Variants in TRA2A observed in about 807,000 individuals in gnomAD.
The protein encoded by TRA2A is transformer-2 protein homolog alpha.
In TRA2A, 31 loss-of-function variants were observed where a neutral mutation model predicts 45.7. The ratio of observed to expected loss-of-function variants is 0.68; its 90% CI spans 0.51 to 0.92. TRA2A has a LOEUF of 0.92. Among genes scored for constraint, TRA2A ranks in the 40% least tolerant of loss-of-function variants. TRA2A has a pLI of 0.00. For synonymous variants in TRA2A, 132 were observed against 126.2 expected (o/e 1.05, Z -0.31); for missense variants, 304 against 367.5 (o/e 0.83, Z 1.41).
intron 1 of TRA2A, chr7:23,531,341 G>A: frequency 1.3e-6 from 1 of 776,108 alleles, no homozygotes; most frequent in South Asian, 5.3e-5. Context: ...CCGGAAAGCA[G>A]CCCCGCGCAC....
At chr7:23,523,920 G>A (rs946346967) in intron 1 of TRA2A, among the ~76,000 whole-genome samples, 1 of 152,172 alleles carries the variant, frequency 6.6e-6, no homozygotes, top group South Asian at 2.1e-4. Flanking sequence ...CAGACCCTGT[G>A]ACATAACATT....
At chr7:23,518,810 G>A (rs757972942) in intron 2 of TRA2A, among the ~76,000 whole-genome samples, 7 of 151,226 alleles carry the variant, frequency 4.6e-5, no homozygotes, top group African/African-American at 9.7e-5. Context: ...TCAGCCTCCC[G>A]AGTTCCTGGG....
chr7:23,530,771 G>T (rs1023359380), intron 1 of TRA2A, among the ~76,000 whole-genome samples: 4 of 152,132 alleles, frequency 2.6e-5, no homozygotes, highest in Non-Finnish European at 5.9e-5. Context: ...GTGGGGGATA[G>T]AGTGAGAAGA....
chr7:23,517,995 G>A (rs1421615109), intron 2 of TRA2A, among the ~76,000 whole-genome samples: 3 of 150,986 alleles, frequency 2.0e-5, no homozygotes, highest in East Asian at 2.0e-4. Flanking sequence ...CTGGAGTGCA[G>A]TGGCATGATC....
At chr7:23,516,254 C>T in intron 3 of TRA2A, 109 bp downstream of exon 3, 1 of 1,050,044 alleles carries the variant, frequency 9.5e-7, no homozygotes, top group Non-Finnish European at 1.4e-6. Context: ...AGGATGTTTC[C>T]AGAGTATCAC....
chr7:23,505,511 AAAAAAAAAAGAG>A lies in TRA2A; in HGVS notation c.*36_*47del, dbSNP rs1789276164. The A allele has an allele frequency of 1.9e-6, 1 of 537,546 alleles. No homozygotes were observed. The highest frequency in any genetic ancestry group is 2.0e-5 in the African/African-American group (1 of 49,622). The allele number at this position is 537,546 out of a possible 1,614,324, so 33.3% of individuals were successfully genotyped here. A position where few individuals can be genotyped will look rare whatever the true frequency, so the allele number is the denominator to read the frequency against. ...GGAAATCTCAGAATTAAAAAAAAAA[AAAAAAAAAAGAG>A]GAAAAAAAATGTCCTTAATTGCAAC... On this transcript the variant is annotated 3_prime_UTR_variant, in exon 8 of 8. Coordinates refer to ENST00000297071, the MANE Select transcript of TRA2A (RefSeq NM_013293.5).
rs535035331 is a variant in TRA2A at position 23,514,201 on chromosome 7, G to A, written c.337-1119C>T. On this transcript the variant is annotated intron_variant, in intron 3 of 7. Transcript: ENST00000297071. ...TCCTGCTTCAGCCTCCCAAGTAGAC[G>A]GGATTACAGGCATGCACCACCACCC... Among the ~76,000 whole-genome samples the A allele has an allele frequency of 6.6e-5, 10 of 151,684 alleles. No individual in the cohort carries two copies. In the South Asian group the frequency reaches 1.0e-3, roughly 16 times the overall value.
At chr7:23,511,370 C>CAAAAAAAAAAAAAAAAAAAAAAAAAA (rs567187750) in intron 4 of TRA2A, among the ~76,000 whole-genome samples, 1 of 40,132 alleles carries the variant, frequency 2.5e-5, no homozygotes, top group Non-Finnish European at 4.6e-5. Context: ...GACTCCATCT[C>CAAAAAAAAAAAAAAAAAAAAAAAAAA]AAAAAAAAAA....
chr7:23,530,760 G>A (rs1790541171), intron 1 of TRA2A, among the ~76,000 whole-genome samples: 3 of 152,118 alleles, frequency 2.0e-5, no homozygotes, highest in African/African-American at 7.2e-5. Flanking sequence ...AGCCCTCTTC[G>A]GTGGGGGATA....
chr7:23,512,040 C>G (rs990676153), intron 4 of TRA2A, among the ~76,000 whole-genome samples: 4 of 152,212 alleles, frequency 2.6e-5, no homozygotes, highest in Non-Finnish European at 4.4e-5. Context: ...AAAGAGAACA[C>G]TTACACATAT....
At chr7:23,511,984 A>C (rs994689594) in intron 4 of TRA2A, among the ~76,000 whole-genome samples, 2 of 152,230 alleles carry the variant, frequency 1.3e-5, no homozygotes, top group African/African-American at 4.8e-5. Context: ...TTATTTTTTA[A>C]AAGTTAATGT....
chr7:23,514,963 A>C (rs1789791322), intron 3 of TRA2A, among the ~76,000 whole-genome samples: 1 of 152,196 alleles, frequency 6.6e-6, no homozygotes, highest in Non-Finnish European at 1.5e-5. Flanking sequence ...CTAGACTGCT[A>C]GTTAGCAAAA....
At chr7:23,506,524 C>A in intron 5 of TRA2A, 1 of 416,026 alleles carries the variant, frequency 2.4e-6, no homozygotes, top group Non-Finnish European at 4.2e-6. Context: ...AAATTAAAAT[C>A]TTTTCAACAA....
Position 23,505,785 on chromosome 7 carries a change from G to T in TRA2A, c.799C>A (p.Arg267=). The T allele has an allele frequency of 1.3e-6, 2 of 1,561,748 alleles. No individual in the cohort carries two copies. Among genetic ancestry groups the T allele is most frequent in the East Asian group, 2.3e-5 (1 of 43,434 alleles). The part of the protein sequence containing the change: ...RRRSPSPYYS[R]YRSRSRSRSY... ...CGAGATCTTGATCGTGATCTATATC[G>T]ACTATAATAAGGAGAAGGTGATCGT... is the stretch of plus-strand genomic sequence containing the variant. Residue 267 remains arginine, a synonymous_variant, in exon 7 of 8, where the codon CGA becomes AGA. Transcript: ENST00000297071.
intron 1 of TRA2A, among the ~76,000 whole-genome samples, chr7:23,526,886 T>C (rs1050496840): frequency 1.3e-5 from 2 of 152,202 alleles, no homozygotes; most frequent in African/African-American, 4.8e-5. Flanking sequence ...AGAAGTCTTA[T>C]CATAAATACA....
At chr7:23,510,193 GA>G (rs1789534390) in intron 4 of TRA2A, among the ~76,000 whole-genome samples, 1 of 152,208 alleles carries the variant, frequency 6.6e-6, no homozygotes, top group South Asian at 2.1e-4. Context: ...ACTGAAAAGA[GA>G]AACTGTGATT....
intron 1 of TRA2A, among the ~76,000 whole-genome samples, chr7:23,524,573 T>C (rs1036551360): frequency 7.9e-5 from 12 of 152,212 alleles, no homozygotes; most frequent in Admixed American, 7.8e-4. Context: ...CCCTTCTTTC[T>C]TTTTATCTCA....
In TRA2A at chr7:23,505,585, C is replaced by CAAAAAAAAAAAACA. The variant is rs1789289585; in HGVS notation, c.839-17_839-16insTGTTTTTTTTTTTT. ...CAATAGCGTCCTAAAAGAGAAAAAGCAAAAAAAAAAAAAAAAAAAAAAAGT... is the reference window on the plus strand; with the variant it reads ...CAATAGCGTCCTAAAAGAGAAAAAGCAAAAAAAAAAAACAAAAAAAAAAAAAAAAAAAAAAAAGT... On this transcript the variant is annotated splice_polypyrimidine_tract_variant and intron_variant, in intron 7 of 7. Transcript: ENST00000297071. 4.7e-6 allele frequency: 1 copy of CAAAAAAAAAAAACA among 214,738 alleles called. No homozygotes were observed. The highest frequency in any genetic ancestry group is 7.4e-6 in the Non-Finnish European group (1 of 134,450). The allele number at this position is 214,738 out of a possible 1,614,324, so 13.3% of individuals were successfully genotyped here.
chr7:23,521,481 C>T (rs1280093249), intron 2 of TRA2A, among the ~76,000 whole-genome samples: 1 of 152,180 alleles, frequency 6.6e-6, no homozygotes, highest in African/African-American at 2.4e-5. Context: ...CTCCCTGGCA[C>T]CCAGGCTGTG....
Sources: gnomAD v4.1 joint callset for allele counts (sites outside exome capture counted in the v4.1 genomes callset) on GRCh38, gnomAD v4.1.1 for gene constraint, MANE v1.5 for transcripts, NCBI Gene and HGNC (gene_info 2026-07-23, HGNC 2026-07-21) for gene names.